Variants in SLC24A2 observed in about 807,000 individuals in gnomAD.
SLC24A2 encodes the protein solute carrier family 24 member 2, also known as sodium/potassium/calcium exchanger 2.
In SLC24A2, 36 loss-of-function variants were observed where a neutral mutation model predicts 62.0. The observed-to-expected ratio is 0.58, with a 90% confidence interval of 0.44 to 0.77. SLC24A2 has a LOEUF of 0.77. Ranked by LOEUF, SLC24A2 falls within the 30% of genes least tolerant of loss-of-function variation. The pLI is 0.00. For missense variants in SLC24A2, 846 were observed against 817.9 expected, an observed-to-expected ratio of 1.03 and a Z score of -0.42; for synonymous variants, 358 against 294.0, an observed-to-expected ratio of 1.22 and a Z score of -2.23.
intron 2 of SLC24A2, among the ~76,000 whole-genome samples, chr9:19,625,413 T>G (rs1818008377): frequency 6.6e-6 from 1 of 152,182 alleles, no homozygotes; most frequent in South Asian, 2.1e-4. Context: ...GAGGATTGTT[T>G]AAAAGAATTC....
chr9:19,990,162 T>G, the SLC24A2 span, among the ~76,000 whole-genome samples: 3 of 152,174 alleles, frequency 2.0e-5, no homozygotes, highest in Admixed American at 2.0e-4. Flanking sequence ...CTGTAAAATT[T>G]GTAACATAAT....
At chr9:19,634,204 A>T (rs531681621) in intron 2 of SLC24A2, among the ~76,000 whole-genome samples, 1 of 151,872 alleles carries the variant, frequency 6.6e-6, no homozygotes, top group South Asian at 2.1e-4. Flanking sequence ...AGGTTAACTA[A>T]CTTGCCCACA....
the SLC24A2 span, among the ~76,000 whole-genome samples, chr9:20,288,719 C>A: frequency 1.4e-5 from 2 of 141,818 alleles, no homozygotes; most frequent in African/African-American, 5.3e-5. Flanking sequence ...GATTGTGCCA[C>A]TGATGGAGTG....
chr9:19,549,318 C>T (rs1156527611), intron 8 of SLC24A2, among the ~76,000 whole-genome samples: 2 of 152,170 alleles, frequency 1.3e-5, no homozygotes, highest in Non-Finnish European at 2.9e-5. Context: ...TGACACTCTT[C>T]CCAACAGGAG....
At chr9:20,218,147 C>T in the SLC24A2 span, among the ~76,000 whole-genome samples, 1 of 152,180 alleles carries the variant, frequency 6.6e-6, no homozygotes, top group Admixed American at 6.5e-5. Context: ...AGAGGAAATT[C>T]ATTCTGAACT....
chr9:19,774,222 T>C (rs1189745381), intron 2 of SLC24A2, among the ~76,000 whole-genome samples: 2 of 152,132 alleles, frequency 1.3e-5, no homozygotes, highest in African/African-American at 4.8e-5. Flanking sequence ...AGAAACTGGA[T>C]TCTGCTAAAC....
intron 2 of SLC24A2, among the ~76,000 whole-genome samples, chr9:19,681,699 C>T (rs1819727565): frequency 6.6e-6 from 1 of 152,100 alleles, no homozygotes; most frequent in Admixed American, 6.6e-5. Flanking sequence ...TTATGCAGCA[C>T]AATCCATAAA....
At chr9:20,026,843 A>C in the SLC24A2 span, among the ~76,000 whole-genome samples, 10 of 152,310 alleles carry the variant, frequency 6.6e-5, no homozygotes, top group African/African-American at 2.4e-4. Context: ...TGTCAACCTA[A>C]AAAGCTTCTG....
chr9:19,951,175 G>T, the SLC24A2 span, among the ~76,000 whole-genome samples: 1 of 151,980 alleles, frequency 6.6e-6, no homozygotes, highest in African/African-American at 2.4e-5. Context: ...TTGGGGAAGT[G>T]TCCAAATCTT....
intron 4 of SLC24A2, among the ~76,000 whole-genome samples, chr9:19,600,422 T>C (rs550789879): frequency 1.3e-5 from 2 of 152,322 alleles, no homozygotes; most frequent in East Asian, 3.9e-4. Flanking sequence ...AGTTGCCCAT[T>C]AGATGTAACA....
At chr9:20,082,522 T>C in the SLC24A2 span, among the ~76,000 whole-genome samples, 2 of 152,370 alleles carry the variant, frequency 1.3e-5, no homozygotes, top group East Asian at 1.9e-4. Context: ...TGGTGGCCTG[T>C]GATCCCACCA....
At position 19,557,814 on chromosome 9, in the gene SLC24A2, C is replaced by CTT. The variant is rs927387911; in HGVS notation, c.1348-7548_1348-7547dup. Among the ~76,000 whole-genome samples, 263 of 139,274 alleles carry CTT rather than the reference C, an allele frequency of 1.9e-3. 2 individuals are homozygous for CTT. The highest frequency in any genetic ancestry group is 6.5e-3 in the African/African-American group (248 of 38,046). The allele number at this position is 139,274 out of a possible 152,430, so 91.4% of individuals were successfully genotyped here. A position where few individuals can be genotyped will look rare whatever the true frequency, so the allele number is the denominator to read the frequency against. The stretch of plus-strand genomic sequence containing the variant: ...CTAATGGTCTAAATGGCTCACATTT[C>CTT]TTTTTTTTTTTTTTGAGACAGGGTC... On this transcript the variant is annotated intron_variant, in intron 7 of 10. Coordinates refer to ENST00000341998, the MANE Select transcript of SLC24A2 (RefSeq NM_020344.4).
chr9:19,923,931 A>G, the SLC24A2 span, among the ~76,000 whole-genome samples: 1 of 152,172 alleles, frequency 6.6e-6, no homozygotes, highest in African/African-American at 2.4e-5. Flanking sequence ...TATTTTTAGT[A>G]GAGACAGGGT....
chr9:19,876,043 T>C, the SLC24A2 span, among the ~76,000 whole-genome samples: 1 of 152,190 alleles, frequency 6.6e-6, no homozygotes, highest in African/African-American at 2.4e-5. Context: ...TCTAATATAC[T>C]TGCAGCATGT....
At chr9:19,808,731 G>A in the SLC24A2 span, among the ~76,000 whole-genome samples, 5 of 152,222 alleles carry the variant, frequency 3.3e-5, no homozygotes, top group South Asian at 2.1e-4. The surrounding 1 kb of genome is among the most constrained non-coding windows in gnomAD (Gnocchi z 4.1). Context: ...TTATACCCCA[G>A]TTCCATTCCC....
the SLC24A2 span, among the ~76,000 whole-genome samples, chr9:20,008,020 C>T: frequency 2.0e-5 from 3 of 150,650 alleles, no homozygotes; most frequent in Non-Finnish European, 4.4e-5. Context: ...CTCAGTCCCC[C>T]GAGTAGCTGA....
intron 2 of SLC24A2, among the ~76,000 whole-genome samples, chr9:19,674,182 C>T: frequency 6.6e-6 from 1 of 152,126 alleles, no homozygotes; most frequent in East Asian, 1.9e-4. Context: ...TCTAAGAAGG[C>T]TGAAGATAGG....
chr9:19,646,912 T>C (rs778266775), intron 2 of SLC24A2, among the ~76,000 whole-genome samples: 8 of 152,134 alleles, frequency 5.3e-5, no homozygotes, highest in Non-Finnish European at 8.8e-5. Context: ...GTTACATTAC[T>C]TAACTGGAAT....
the SLC24A2 span, among the ~76,000 whole-genome samples, chr9:19,897,303 TG>T: frequency 3.9e-5 from 6 of 152,142 alleles, no homozygotes; most frequent in African/African-American, 1.4e-4. Flanking sequence ...TTCAACATGT[TG>T]TTTTTCATAT....
Sources: gnomAD v4.1 joint callset for allele counts (sites outside exome capture counted in the v4.1 genomes callset) on GRCh38, gnomAD v4.1.1 for gene constraint, Gnocchi (gnomAD v3.1) non-coding constraint, MANE v1.5 for transcripts, NCBI Gene and HGNC (gene_info 2026-07-23, HGNC 2026-07-21) for gene names.